GLDC: variants seen among roughly 807,000 people sequenced by gnomAD.
GLDC encodes glycine decarboxylase.
A neutral mutation model predicts 121.3 loss-of-function variants in GLDC; 104 were observed. The ratio of observed to expected loss-of-function variants is 0.86; its 90% CI spans 0.73 to 1.01. GLDC has a LOEUF of 1.01. Among genes scored for constraint, GLDC ranks in the 50% least tolerant of loss-of-function variants. GLDC has a pLI of 0.00. For synonymous variants in GLDC, 546 were observed against 480.6 expected (o/e 1.14, Z -1.78); for missense variants, 1,429 against 1,306.6 (o/e 1.09, Z -1.44).
chr9:6,572,299 A>C (rs1386676875), intron 15 of GLDC, among the ~76,000 whole-genome samples: 11 of 152,248 alleles, frequency 7.2e-5, no homozygotes, highest in Non-Finnish European at 1.6e-4. Flanking sequence ...AATGCAATTC[A>C]GAAAATGATG....
In GLDC at chr9:6,610,245, T is replaced by C. The variant is rs1587964992; in HGVS notation, c.582A>G (p.Ala194=). 6.2e-7 allele frequency: 1 copy of C among 1,614,000 alleles called. No homozygotes were observed. The highest frequency in any genetic ancestry group is 8.5e-7 in the Non-Finnish European group (1 of 1,179,948). ...CTGCAGTCCCCTCATCCAGCAGGGA[T>C]GCATTGGCCATGTCCAGGCCTGTGA... is the stretch of plus-strand genomic sequence containing the variant. ...CDITGLDMAN[A]SLLDEGTAAA... is the part of the protein sequence containing the mutation. The change falls in exon 4 of 25, where the codon GCA becomes GCG. Residue 194 remains alanine (A), a synonymous_variant. Transcript: ENST00000321612.
chr9:6,639,034 A>C, intron 2 of GLDC: 1 of 571,412 alleles, frequency 1.8e-6, no homozygotes, highest in Non-Finnish European at 3.1e-6. Context: ...GTATATCCTC[A>C]GAGTGTCTTT....
chr9:6,549,055 TCAAAGGCTAC>T (rs1215091541), intron 21 of GLDC, among the ~76,000 whole-genome samples: 1 of 152,154 alleles, frequency 6.6e-6, no homozygotes, highest in East Asian at 1.9e-4. Flanking sequence ...CAAACTACTT[TCAAAGGCTAC>T]CAAAGGCTTC....
chr9:6,636,768 C>T (rs1819510684), intron 2 of GLDC, among the ~76,000 whole-genome samples: 1 of 151,588 alleles, frequency 6.6e-6, no homozygotes, highest in South Asian at 2.1e-4. Flanking sequence ...GAGTGAGACC[C>T]CATCTCAAAA....
Position 6,592,862 on chromosome 9 carries a change from C to G in GLDC, c.1390G>C (p.Glu464Gln), listed in dbSNP as rs1563851394. 6.2e-7 allele frequency: 1 copy of G among 1,613,458 alleles called. No homozygotes were observed. The highest frequency in any genetic ancestry group is 8.5e-7 in the Non-Finnish European group (1 of 1,179,948). Residue 464 changes from glutamate (E) to glutamine (Q), a missense_variant, in exon 10 of 25, where the codon GAG becomes CAG. By Grantham distance (29) the Glu-to-Gln change is conservative. Coordinates refer to ENST00000321612, the MANE Select transcript of GLDC (RefSeq NM_000170.3). ...AQRQINFRLF[E>Q]DGTLGISLDE... is the part of the protein sequence containing the mutation. ...AAAATTTGACTTACTGTGCCATCCT[C>G]AAAAAGCCGAAAATTGATCTGCCGC...
intron 2 of GLDC, among the ~76,000 whole-genome samples, chr9:6,623,883 C>T (rs557634122): frequency 6.6e-6 from 1 of 152,192 alleles, no homozygotes; most frequent in Non-Finnish European, 1.5e-5. Context: ...ATGATTCAGA[C>T]GCCCAGTAGG....
intron 2 of GLDC, among the ~76,000 whole-genome samples, chr9:6,640,086 AAC>A (rs1819598125): frequency 6.6e-6 from 1 of 152,168 alleles, no homozygotes; most frequent in African/African-American, 2.4e-5. Flanking sequence ...CTCCAATCAG[AAC>A]ACACCTAAAG....
chr9:6,554,822 T>C (rs1290879215), intron 18 of GLDC, 41 bp from the exon 19 acceptor site: 3 of 1,470,214 alleles, frequency 2.0e-6, no homozygotes, highest in Middle Eastern at 1.7e-4. Context: ...GTCAAGAGCT[T>C]GGAAGCACCC....
intron 2 of GLDC, chr9:6,639,575 T>G: frequency 1.3e-6 from 1 of 754,704 alleles, no homozygotes; most frequent in Non-Finnish European, 2.4e-6. Context: ...CTGATTATGA[T>G]GCTTTGGATG....
At chr9:6,596,152 G>C (rs1207185800) in intron 8 of GLDC, among the ~76,000 whole-genome samples, 2 of 152,170 alleles carry the variant, frequency 1.3e-5, no homozygotes, top group African/African-American at 4.8e-5. Context: ...GACACACTGT[G>C]CCCAAATGCT....
chr9:6,597,592 A>T (rs1311217870), intron 8 of GLDC, among the ~76,000 whole-genome samples: 2 of 152,068 alleles, frequency 1.3e-5, no homozygotes, highest in Non-Finnish European at 2.9e-5. Context: ...TTATATTAAA[A>T]ATAAGAAAAG....
chr9:6,611,194 A>C (rs1286299147), intron 3 of GLDC, among the ~76,000 whole-genome samples: 1 of 152,254 alleles, frequency 6.6e-6, no homozygotes, highest in East Asian at 1.9e-4. Flanking sequence ...CAACGTAAAC[A>C]TGGATTCTAA....
chr9:6,562,981 C>T (rs1364243163), intron 16 of GLDC, among the ~76,000 whole-genome samples: 2 of 152,198 alleles, frequency 1.3e-5, no homozygotes, highest in Admixed American at 6.5e-5. Context: ...CCCTGAAGCA[C>T]AGCACCCAGC....
chr9:6,558,779 A>G (rs1817687212), intron 16 of GLDC, 95 bp from the exon 17 acceptor site: 2 of 1,269,846 alleles, frequency 1.6e-6, no homozygotes, highest in South Asian at 2.4e-5. Context: ...AGCACAAATT[A>G]GACACCACCT....
At chr9:6,570,333 C>T (rs1237249726) in intron 15 of GLDC, among the ~76,000 whole-genome samples, 2 of 152,004 alleles carry the variant, frequency 1.3e-5, no homozygotes, top group East Asian at 3.9e-4. Context: ...AATTATAGTA[C>T]CAAGAAATTA....
chr9:6,610,740 C>A (rs1433630465), intron 3 of GLDC, among the ~76,000 whole-genome samples: 1 of 152,152 alleles, frequency 6.6e-6, no homozygotes, highest in Non-Finnish European at 1.5e-5. Flanking sequence ...GCTGGGACAA[C>A]AAGCACATGC....
intron 20 of GLDC, among the ~76,000 whole-genome samples, chr9:6,551,306 GC>G (rs2129707057): frequency 6.6e-6 from 1 of 152,258 alleles, no homozygotes; most frequent in African/African-American, 2.4e-5. Context: ...TGGGATCTGG[GC>G]CAATATCTCC....
intron 8 of GLDC, among the ~76,000 whole-genome samples, chr9:6,599,423 A>T: frequency 6.6e-6 from 1 of 152,020 alleles, no homozygotes. Flanking sequence ...TGAGGCCACC[A>T]TATAAAGATC....
chr9:6,578,942 T>A (rs1439075774), intron 15 of GLDC, among the ~76,000 whole-genome samples: 1 of 152,236 alleles, frequency 6.6e-6, no homozygotes, highest in Non-Finnish European at 1.5e-5. Flanking sequence ...TTTCTGTTAT[T>A]TCTAGTTTCA....
Sources: allele counts gnomAD v4.1 joint callset (sites outside exome capture counted in the v4.1 genomes callset), GRCh38; gene constraint gnomAD v4.1.1; transcripts MANE v1.5; gene names NCBI Gene and HGNC (gene_info 2026-07-23, HGNC 2026-07-21).